The following KDM5C variants were observed in gnomAD, a reference collection of about 807,000 sequenced individuals.
The protein encoded by KDM5C is lysine-specific demethylase 5C.
In KDM5C, 16 loss-of-function variants were observed where a neutral mutation model predicts 110.6. That is an observed-to-expected ratio of 0.14 (90% CI 0.10 to 0.22). The LOEUF is 0.22. KDM5C is among the 10% of genes least tolerant of loss of function. KDM5C has a pLI of 1.00. For synonymous variants in KDM5C, 511 were observed against 520.4 expected (o/e 0.98, Z 0.24); for missense variants, 681 against 1,300.9 (o/e 0.52, Z 7.33).
chrX:53,224,943 C>G lies in KDM5C; in HGVS notation c.-54G>C. ...GGGAGGCTTGGACCGCCCTTAAGGACTCATGGCGCCGCCGCTGTTTGAAGC... is the reference window on the plus strand; with the variant it reads ...GGGAGGCTTGGACCGCCCTTAAGGAGTCATGGCGCCGCCGCTGTTTGAAGC... On this transcript the variant is annotated 5_prime_UTR_variant, in exon 1 of 26. Transcript: ENST00000375401. 2 of 1,136,388 alleles carry G rather than the reference C, an allele frequency of 1.8e-6. No homozygotes were observed. The highest frequency in any genetic ancestry group is 4.1e-5 in the South Asian group (2 of 49,334). The allele number at this position is 1,136,388 out of a possible 1,213,427, so 93.7% of individuals were successfully genotyped here.
chrX:53,198,001 C>T, intron 17 of KDM5C, 125 bp from the exon 18 acceptor site: 1 of 552,331 alleles, frequency 1.8e-6, no homozygotes. Context: ...TCAAATTTGC[C>T]CCAATTGCCC....
At chrX:53,215,355 C>A (rs1351142621) in intron 7 of KDM5C, among the ~76,000 whole-genome samples, 2 of 111,846 alleles carry the variant, frequency 1.8e-5, no homozygotes, top group East Asian at 2.8e-4. Context: ...CTCTTCCAGG[C>A]TGAAGAAACA....
rs140506776 is a variant in KDM5C, at chrX:53,193,451, G to A, written c.4303C>T (p.Arg1435Cys). Residue 1435 changes from arginine to cysteine, a missense_variant, in exon 25 of 26, where the codon CGC becomes TGC. Coordinates refer to ENST00000375401, the MANE Select transcript of KDM5C (RefSeq NM_004187.5). ...AGQPPDLERI[R>C]TLLELEKAER... ...CCTCTCCTCACCTCCAGAAGTGTGC[G>A]GATCCTCTCCAGGTCTGGGGGCTGT... 1,086 of 1,209,897 alleles carry A rather than the reference G, an allele frequency of 9.0e-4. 1 individual carries two copies. The highest frequency in any genetic ancestry group is 1.0e-3 in the Non-Finnish European group (903 of 895,138).
In KDM5C at chrX:53,192,839, T is replaced by TGGGGGGGGGG; in HGVS notation, c.*127_*128insCCCCCCCCCC. On this transcript the variant is annotated 3_prime_UTR_variant, in exon 26 of 26. Coordinates refer to ENST00000375401, the MANE Select transcript of KDM5C (RefSeq NM_004187.5). The stretch of plus-strand genomic sequence containing the variant: ...ATACAAAAGTCAAGGGACTCAGGGG[T>TGGGGGGGGGG]GGGCGGGTAGCAGGGATGGCCACCC... 1.1e-6 allele frequency: 1 copy of TGGGGGGGGGG among 879,057 alleles called. No homozygotes were observed. The allele number at this position is 879,057 out of a possible 1,213,427, so 72.4% of individuals were successfully genotyped here.
At chrX:53,178,633 A>G (rs1933942784) in intron 25 of KDM5C, among the ~76,000 whole-genome samples, 1 of 112,464 alleles carries the variant, frequency 8.9e-6, no homozygotes, top group South Asian at 3.7e-4. Flanking sequence ...AGTGGATCAT[A>G]CACCTAAATG....
chrX:53,215,093 G>A (rs2073701886), intron 7 of KDM5C: 4 of 485,695 alleles, frequency 8.2e-6, no homozygotes, highest in South Asian at 7.7e-5. Flanking sequence ...CTGGACTCTA[G>A]CACAAAGACA....
chrX:53,206,922 C>G (rs2073352580), intron 12 of KDM5C, among the ~76,000 whole-genome samples: 1 of 99,925 alleles, frequency 1.0e-5, no homozygotes, highest in Non-Finnish European at 2.0e-5. Context: ...TGCCTGTAAT[C>G]CCAGCACTTT....
chrX:53,201,902 G>A lies in KDM5C; in HGVS notation c.1818C>T (p.Asn606=), dbSNP rs1556842053. The change falls in exon 13 of 26, where the codon AAC becomes AAT. Residue 606 remains asparagine (N), a synonymous_variant. Transcript: ENST00000375401. ...CAGCCTCGGCAAAGTTGTAGCCTTG[G>A]TTGAAGCCGCTGTGGTAAGCACGGG... The part of the protein sequence containing the change: ...TFPRAYHSGF[N]QGYNFAEAVN... The A allele has an allele frequency of 1.7e-6, 2 of 1,212,110 alleles. No homozygotes were observed. The highest frequency in any genetic ancestry group is 3.5e-5 in the African/African-American group (2 of 57,863).
chrX:53,197,665 C>A, intron 18 of KDM5C, 106 bp downstream of exon 18: 1 of 618,766 alleles, frequency 1.6e-6, no homozygotes. Context: ...ACACGTGTGT[C>A]CTGTCTTGCC....
intron 2 of KDM5C, chrX:53,218,876 C>T (rs2073823430): frequency 4.1e-6 from 1 of 243,348 alleles, no homozygotes; most frequent in South Asian, 4.1e-5. Context: ...ACCACTGCAC[C>T]CAGCCACCTC....
intron 5 of KDM5C, 127 bp downstream of exon 5, chrX:53,217,016 C>A (rs1248756816): frequency 1.2e-6 from 1 of 834,759 alleles, no homozygotes. Context: ...GAGAGGCACA[C>A]TAATGCTCAG....
intron 19 of KDM5C, among the ~76,000 whole-genome samples, chrX:53,196,480 T>C (rs1300990517): frequency 1.8e-5 from 2 of 112,769 alleles, no homozygotes; most frequent in Non-Finnish European, 3.7e-5. Context: ...TGTCCATTTC[T>C]GCTTCTCCAT....
rs1324626060 is a variant in KDM5C, at chrX:53,195,399, G to A, written c.3132C>T (p.His1044=). ...ADVDEIQNGD[H]YPCLDDLEGL... ...CCTCCAAGTCATCCAGGCAGGGGTA[G>A]TGGTCACCATTCTAAGGCCAAGGGC... The change falls in exon 21 of 26, where the codon CAC becomes CAT. Residue 1044 remains histidine (H), a synonymous_variant. Coordinates refer to ENST00000375401, the MANE Select transcript of KDM5C (RefSeq NM_004187.5). 15 of 1,203,971 alleles carry A rather than the reference G, an allele frequency of 1.2e-5. No homozygotes were observed. In the Admixed American group the frequency reaches 3.3e-4, roughly 27 times the overall value.
At chrX:53,207,450 T>C (rs1007075124) in intron 12 of KDM5C, among the ~76,000 whole-genome samples, 2 of 111,651 alleles carry the variant, frequency 1.8e-5, no homozygotes, top group African/African-American at 6.5e-5. Flanking sequence ...ATGTAGCTAG[T>C]GGCTACCAAA....
chrX:53,192,881 C>CCCCCCCCCCCACCA lies in KDM5C; in HGVS notation c.*85_*86insTGGTGGGGGGGGGG. On this transcript the variant is annotated 3_prime_UTR_variant, in exon 26 of 26. Coordinates refer to ENST00000375401, the MANE Select transcript of KDM5C (RefSeq NM_004187.5). ...TGGCCACCCCCCTACCCGCCCACCC[C>CCCCCCCCCCCACCA]CCAAGAAGCAGGCTTGATGGTCAGA... 1 of 1,054,430 alleles carries CCCCCCCCCCCACCA rather than the reference C, an allele frequency of 9.5e-7. No homozygotes were observed. The highest frequency in any genetic ancestry group is 1.2e-6 in the Non-Finnish European group (1 of 802,814). The allele number at this position is 1,054,430 out of a possible 1,213,427, so 86.9% of individuals were successfully genotyped here.
downstream of KDM5C, chrX:53,191,819 T>C (rs1193184424): frequency 5.7e-6 from 1 of 174,670 alleles, no homozygotes; most frequent in Admixed American, 7.9e-5. Flanking sequence ...TTTTATAGTA[T>C]GTAAATTATA....
At chrX:53,208,482 A>G (rs1556847032) in intron 12 of KDM5C, among the ~76,000 whole-genome samples, 1 of 95,960 alleles carries the variant, frequency 1.0e-5, no homozygotes, top group Non-Finnish European at 2.1e-5. Flanking sequence ...TTAGCTACCC[A>G]AATCCTTCAG....
At chrX:53,219,407 T>C (rs908362354) in intron 2 of KDM5C, among the ~76,000 whole-genome samples, 1 of 112,461 alleles carries the variant, frequency 8.9e-6, no homozygotes, top group Non-Finnish European at 1.9e-5. Flanking sequence ...CAGAATGGCC[T>C]AGAACTAAGA....
chrX:53,211,051 T>C (rs1283724332), intron 10 of KDM5C, among the ~76,000 whole-genome samples, 194 bp from the exon 11 acceptor site: 9 of 111,887 alleles, frequency 8.0e-5, no homozygotes, highest in Middle Eastern at 4.6e-3. Context: ...TGTATTCACT[T>C]CAATTTCTAC....
Sources: gnomAD v4.1 joint callset for allele counts (sites outside exome capture counted in the v4.1 genomes callset) on GRCh38, gnomAD v4.1.1 for gene constraint, MANE v1.5 for transcripts, NCBI Gene and HGNC (gene_info 2026-07-23, HGNC 2026-07-21) for gene names.